Variants in MAGI1 observed in about 807,000 individuals in gnomAD.
MAGI1 encodes membrane associated guanylate kinase, WW and PDZ domain containing 1.
In MAGI1, 58 loss-of-function variants were observed where a neutral mutation model predicts 139.9. The observed-to-expected ratio is 0.41, with a 90% confidence interval of 0.34 to 0.52. The LOEUF is 0.52. Among genes scored for constraint, MAGI1 ranks in the 20% least tolerant of loss-of-function variants. MAGI1 has a pLI of 0.12. For synonymous variants in MAGI1, 812 were observed against 737.9 expected (o/e 1.10, Z -1.63); for missense variants, 1,874 against 1,901.6 (o/e 0.99, Z 0.27).
At chr3:65,721,884 G>T (rs965921399) in intron 1 of MAGI1, among the ~76,000 whole-genome samples, 1 of 150,546 alleles carries the variant, frequency 6.6e-6, no homozygotes, top group Non-Finnish European at 1.5e-5. Flanking sequence ...TTCTAATTCT[G>T]GAGGTCGACT....
intron 1 of MAGI1, among the ~76,000 whole-genome samples, chr3:65,713,950 T>C (rs943617369): frequency 6.6e-6 from 1 of 152,162 alleles, no homozygotes; most frequent in Non-Finnish European, 1.5e-5. Context: ...AATAACATTA[T>C]TATAAGAACC....
chr3:65,950,691 G>A (rs995492346), intron 1 of MAGI1, among the ~76,000 whole-genome samples: 2 of 152,050 alleles, frequency 1.3e-5, no homozygotes, highest in African/African-American at 4.8e-5. Context: ...TGGTTGGAAC[G>A]GAAATTACAA....
intron 1 of MAGI1, among the ~76,000 whole-genome samples, chr3:66,011,032 G>C (rs6792662): frequency 0.43 from 65,144 of 152,070 alleles, 16,037 homozygotes; most frequent in East Asian, 0.76. Flanking sequence ...GAACTGGAGG[G>C]ACACCAATTT....
intron 5 of MAGI1, among the ~76,000 whole-genome samples, chr3:65,459,284 G>C (rs1414342012): frequency 2.0e-5 from 3 of 152,070 alleles, no homozygotes. Context: ...GCTATTCTGG[G>C]TCTTTCGTGG....
intron 1 of MAGI1, among the ~76,000 whole-genome samples, chr3:65,926,563 G>C (rs1017241049): frequency 2.6e-4 from 39 of 152,138 alleles, no homozygotes; most frequent in African/African-American, 8.9e-4. Flanking sequence ...GATAAAATAG[G>C]CTGCAGTAAA....
In MAGI1 at chr3:65,800,981, G is replaced by C. The variant is rs147586587; in HGVS notation, c.314-178893C>G. Among the ~76,000 whole-genome samples, 26 of 152,242 alleles carry C rather than the reference G, an allele frequency of 1.7e-4. No individual in the cohort carries two copies. In the East Asian group the frequency reaches 4.4e-3, roughly 26 times the overall value. On this transcript the variant is annotated intron_variant, in intron 1 of 22. Coordinates refer to ENST00000402939, the MANE Select transcript of MAGI1 (RefSeq NM_001033057.2). Reference sequence around the variant, plus strand: ...GATAAAACAGAGTTGGATGAATCAGGTGCTCACAGGCAAATCTCCCTGGAA... The same window carrying C: ...GATAAAACAGAGTTGGATGAATCAGCTGCTCACAGGCAAATCTCCCTGGAA...
At chr3:65,467,282 A>G (rs1022785577) in intron 5 of MAGI1, among the ~76,000 whole-genome samples, 5 of 152,250 alleles carry the variant, frequency 3.3e-5, no homozygotes, top group Admixed American at 2.0e-4. Context: ...ACAAATGTGT[A>G]TATATTTGCA....
chr3:65,918,903 TCTC>T (rs995680512), intron 1 of MAGI1, among the ~76,000 whole-genome samples: 1 of 151,996 alleles, frequency 6.6e-6, no homozygotes, highest in African/African-American at 2.4e-5. Flanking sequence ...GATCTGTTTT[TCTC>T]AAGGAAGGAT....
chr3:65,598,211 G>A (rs932374263), intron 2 of MAGI1, among the ~76,000 whole-genome samples: 3 of 152,046 alleles, frequency 2.0e-5, no homozygotes, highest in Non-Finnish European at 4.4e-5. Context: ...GGGGATTAGG[G>A]GGCTGCACCT....
At chr3:65,724,435 G>A (rs996793125) in intron 1 of MAGI1, among the ~76,000 whole-genome samples, 1 of 152,166 alleles carries the variant, frequency 6.6e-6, no homozygotes, top group Non-Finnish European at 1.5e-5. Context: ...TAACTACAAA[G>A]TCTTTGGGTA....
At chr3:65,933,921 T>A (rs2106760061) in intron 1 of MAGI1, among the ~76,000 whole-genome samples, 1 of 152,016 alleles carries the variant, frequency 6.6e-6, no homozygotes, top group African/African-American at 2.4e-5. Flanking sequence ...AGGTCAGGAG[T>A]TCGAGACCAG....
chr3:65,689,716 T>A (rs1015896127), intron 1 of MAGI1, among the ~76,000 whole-genome samples: 1 of 152,196 alleles, frequency 6.6e-6, no homozygotes, highest in Non-Finnish European at 1.5e-5. Flanking sequence ...ACCTGTTAAC[T>A]TTATTTTTGT....
intron 1 of MAGI1, among the ~76,000 whole-genome samples, chr3:65,729,664 C>A (rs916240786): frequency 6.6e-6 from 1 of 152,104 alleles, no homozygotes; most frequent in Non-Finnish European, 1.5e-5. Context: ...ACCCTGGAAC[C>A]CATCTTTGAA....
At chr3:66,003,109 A>G (rs76709885) in intron 1 of MAGI1, among the ~76,000 whole-genome samples, 1,967 of 152,164 alleles carry the variant, frequency 0.013, 43 homozygotes, top group African/African-American at 0.045. Context: ...AGAAGAAGAG[A>G]TAACTTTGAT....
chr3:65,833,154 G>C (rs1236415851), intron 1 of MAGI1, among the ~76,000 whole-genome samples: 2 of 151,370 alleles, frequency 1.3e-5, no homozygotes, highest in African/African-American at 4.9e-5. Context: ...ATCTCACTCT[G>C]TCACCCAGGC....
chr3:65,560,452 T>G (rs1160538339), intron 2 of MAGI1, among the ~76,000 whole-genome samples: 2 of 152,102 alleles, frequency 1.3e-5, no homozygotes, highest in African/African-American at 4.8e-5. Context: ...AAAATAAAAT[T>G]TTTAGGGAAT....
At chr3:65,617,067 G>C (rs1437729794) in intron 2 of MAGI1, among the ~76,000 whole-genome samples, 1 of 152,182 alleles carries the variant, frequency 6.6e-6, no homozygotes, top group Non-Finnish European at 1.5e-5. Context: ...ATCTTATAAA[G>C]ACCAGTATCA....
At chr3:65,574,944 A>G (rs6786891) in intron 2 of MAGI1, among the ~76,000 whole-genome samples, 16,549 of 152,124 alleles carry the variant, frequency 0.11, 1,256 homozygotes, top group African/African-American at 0.21. Context: ...GATCATAGAC[A>G]TAAAACTAAA....
intron 4 of MAGI1, among the ~76,000 whole-genome samples, chr3:65,477,323 T>C (rs1475523203): frequency 6.6e-6 from 1 of 152,188 alleles, no homozygotes; most frequent in Non-Finnish European, 1.5e-5. Context: ...TTCCTAAATA[T>C]TCTGTTAGAG....
Sources: gnomAD v4.1 joint callset for allele counts (sites outside exome capture counted in the v4.1 genomes callset) on GRCh38, gnomAD v4.1.1 for gene constraint, MANE v1.5 for transcripts, NCBI Gene and HGNC (gene_info 2026-07-23, HGNC 2026-07-21) for gene names.